The following CDKAL1 variants were observed in gnomAD, a reference collection of about 807,000 sequenced individuals.
The protein encoded by CDKAL1 is CDKAL1 threonylcarbamoyladenosine tRNA methylthiotransferase.
Under a neutral mutation model 68.2 loss-of-function variants are expected in CDKAL1, and 32 were observed. The ratio of observed to expected loss-of-function variants is 0.47; its 90% CI spans 0.35 to 0.63. The LOEUF is 0.63. Among genes scored for constraint, CDKAL1 ranks in the 30% least tolerant of loss-of-function variants. The pLI is 0.00. For missense variants in CDKAL1, 606 were observed against 696.7 expected (o/e 0.87, Z 1.47); for synonymous variants, 234 against 244.3 (o/e 0.96, Z 0.39).
chr6:20,817,194 G>T (rs1255441091), intron 8 of CDKAL1, among the ~76,000 whole-genome samples: 1 of 152,032 alleles, frequency 6.6e-6, no homozygotes, highest in Admixed American at 6.6e-5. Context: ...TTTGCTTGTA[G>T]CACTAGTTCT....
At chr6:20,618,239 C>T (rs1767014151) in intron 4 of CDKAL1, among the ~76,000 whole-genome samples, 1 of 152,090 alleles carries the variant, frequency 6.6e-6, no homozygotes, top group African/African-American at 2.4e-5. Flanking sequence ...CCGTTCATAT[C>T]CTTTGCCCAC....
chr6:21,153,640 C>T (rs1776516771), intron 13 of CDKAL1, among the ~76,000 whole-genome samples: 1 of 151,552 alleles, frequency 6.6e-6, no homozygotes, highest in Admixed American at 6.6e-5. Flanking sequence ...TACAAGGAAA[C>T]AAGACTAGGA....
chr6:20,901,571 C>G (rs1464600669), intron 9 of CDKAL1, among the ~76,000 whole-genome samples: 1 of 148,314 alleles, frequency 6.7e-6, no homozygotes, highest in African/African-American at 2.5e-5. Context: ...GTCCCAGCTA[C>G]TCGGGAGACT....
intron 9 of CDKAL1, among the ~76,000 whole-genome samples, chr6:20,901,137 G>C (rs1761941284): frequency 6.6e-6 from 1 of 152,090 alleles, no homozygotes; most frequent in African/African-American, 2.4e-5. Context: ...ACAGGAGAAC[G>C]GGCATGTGTC....
intron 5 of CDKAL1, among the ~76,000 whole-genome samples, chr6:20,735,807 T>A (rs9295479): frequency 0.19 from 29,458 of 152,196 alleles, 3,317 homozygotes; most frequent in East Asian, 0.34. Flanking sequence ...GCTATGTAAG[T>A]GCTAACCACA....
chr6:20,864,849 ATATT>A (rs1759819003), intron 9 of CDKAL1, among the ~76,000 whole-genome samples: 1 of 152,150 alleles, frequency 6.6e-6, no homozygotes, highest in African/African-American at 2.4e-5. Flanking sequence ...ATGCTGCATG[ATATT>A]TATTATATCC....
chr6:21,059,345 A>T (rs1258564267), intron 11 of CDKAL1, among the ~76,000 whole-genome samples: 3 of 152,238 alleles, frequency 2.0e-5, no homozygotes, highest in Non-Finnish European at 4.4e-5. Flanking sequence ...CATCTTAGGC[A>T]GTCTCCAGCT....
chr6:20,978,642 G>T (rs1207932123), intron 10 of CDKAL1, among the ~76,000 whole-genome samples: 1 of 152,102 alleles, frequency 6.6e-6, no homozygotes, highest in Non-Finnish European at 1.5e-5. Flanking sequence ...ACTCTCTTTG[G>T]ACTACAAGCT....
chr6:21,076,388 C>T (rs1419653205), intron 12 of CDKAL1, among the ~76,000 whole-genome samples: 7 of 152,270 alleles, frequency 4.6e-5, no homozygotes, highest in East Asian at 1.9e-4. Context: ...CACGTGAGTG[C>T]GCACATGTAC....
intron 13 of CDKAL1, among the ~76,000 whole-genome samples, chr6:21,196,933 G>T (rs541617843): frequency 2.0e-5 from 3 of 152,054 alleles, no homozygotes; most frequent in Non-Finnish European, 4.4e-5. Flanking sequence ...CGAGGCAGGC[G>T]GATCACCTGA....
At position 20,702,588 on chromosome 6, in the gene CDKAL1, C is replaced by T. The variant is rs533987875; in HGVS notation, c.372-36931C>T. Among the ~76,000 whole-genome samples the T allele has an allele frequency of 9.9e-5, 15 of 152,068 alleles. No individual in the cohort carries two copies. In the South Asian group the frequency reaches 2.7e-3, roughly 27 times the overall value. ...ACTTGTCGTTCCGCCAGTCGATGGCCGGCTGGCCTGCTGGCCTGCTGGTGT... is the reference window on the plus strand; with the variant it reads ...ACTTGTCGTTCCGCCAGTCGATGGCTGGCTGGCCTGCTGGCCTGCTGGTGT... On this transcript the variant is annotated intron_variant, in intron 5 of 15. Coordinates refer to ENST00000274695, the MANE Select transcript of CDKAL1 (RefSeq NM_017774.3).
At chr6:21,157,402 A>G (rs1046402584) in intron 13 of CDKAL1, among the ~76,000 whole-genome samples, 4 of 152,236 alleles carry the variant, frequency 2.6e-5, no homozygotes, top group Non-Finnish European at 5.9e-5. Context: ...GTTTGAGACC[A>G]GCCTGGGCAA....
intron 15 of CDKAL1, among the ~76,000 whole-genome samples, chr6:21,222,247 A>G (rs76247882): frequency 0.017 from 2,528 of 152,254 alleles, 69 homozygotes; most frequent in African/African-American, 0.057. Flanking sequence ...CATGATTGTA[A>G]TGACCTGATA....
At chr6:20,598,737 A>G (rs1221407845) in intron 4 of CDKAL1, among the ~76,000 whole-genome samples, 2 of 152,214 alleles carry the variant, frequency 1.3e-5, no homozygotes, top group African/African-American at 2.4e-5. Context: ...ACTACATGCT[A>G]TAAGATTTCT....
chr6:21,201,029 A>G (rs1220938469), intron 14 of CDKAL1, 81 bp from the exon 15 acceptor site: 1 of 1,308,044 alleles, frequency 7.6e-7, no homozygotes, highest in Non-Finnish European at 1.1e-6. Context: ...CTATCTTTGC[A>G]ATAATTCTAT....
At chr6:20,694,042 T>TTGTGTGTGTGTGTGTATA (rs1261180037) in intron 5 of CDKAL1, among the ~76,000 whole-genome samples, 94 of 114,390 alleles carry the variant, frequency 8.2e-4, no homozygotes, top group African/African-American at 3.4e-3. Flanking sequence ...CCGGCTAACT[T>TTGTGTGTGTGTGTGTATA]TGTGTGTGTG....
chr6:21,140,718 G>A (rs999628091), intron 13 of CDKAL1, among the ~76,000 whole-genome samples: 10 of 152,160 alleles, frequency 6.6e-5, no homozygotes, highest in Non-Finnish European at 1.2e-4. Flanking sequence ...TCACAGTACC[G>A]CTAGCGCTCA....
At chr6:20,647,671 G>T (rs1768541141) in intron 4 of CDKAL1, among the ~76,000 whole-genome samples, 1 of 152,148 alleles carries the variant, frequency 6.6e-6, no homozygotes, top group Non-Finnish European at 1.5e-5. Context: ...TATCACTCAG[G>T]TGGCATTGGG....
intron 5 of CDKAL1, among the ~76,000 whole-genome samples, chr6:20,689,770 CA>C (rs1283391472): frequency 1.3e-5 from 2 of 151,660 alleles, no homozygotes; most frequent in African/African-American, 4.8e-5. Flanking sequence ...AAAAATGGAC[CA>C]AAAAAATAGA....
Sources: gnomAD v4.1 joint callset for allele counts (sites outside exome capture counted in the v4.1 genomes callset) on GRCh38, gnomAD v4.1.1 for gene constraint, MANE v1.5 for transcripts, NCBI Gene and HGNC (gene_info 2026-07-23, HGNC 2026-07-21) for gene names.